GRM5: variants seen among roughly 807,000 people sequenced by gnomAD.
GRM5 encodes the protein glutamate metabotropic receptor 5, also known as metabotropic glutamate receptor 5.
GRM5 carries 19 observed loss-of-function variants against 83.1 expected under a neutral mutation model. The ratio of observed to expected loss-of-function variants is 0.23; its 90% CI spans 0.16 to 0.34. The LOEUF (loss-of-function observed/expected upper bound fraction) is 0.34. Among genes scored for constraint, GRM5 ranks in the 10% least tolerant of loss-of-function variants. GRM5 has a pLI of 1.00. For missense variants in GRM5, 1,160 were observed against 1,588.3 expected, an observed-to-expected ratio of 0.73 and a Z score of 4.58; for synonymous variants, 675 against 633.6, an observed-to-expected ratio of 1.07 and a Z score of -0.98.
intron 2 of GRM5, among the ~76,000 whole-genome samples, chr11:88,911,737 C>G (rs1466873636): frequency 5.3e-5 from 8 of 152,036 alleles, no homozygotes; most frequent in Non-Finnish European, 1.2e-4. Flanking sequence ...TGTGTTGCCT[C>G]AGAAGCTAAA....
chr11:88,569,983 C>T (rs1942952774), intron 7 of GRM5, among the ~76,000 whole-genome samples: 1 of 151,512 alleles, frequency 6.6e-6, no homozygotes, highest in Admixed American at 6.6e-5. Flanking sequence ...TCAAAATATG[C>T]CTAAGGGTAG....
chr11:88,977,955 T>A (rs1023451301), intron 2 of GRM5, among the ~76,000 whole-genome samples: 3 of 152,210 alleles, frequency 2.0e-5, no homozygotes, highest in African/African-American at 7.2e-5. Context: ...TGCACAAAAT[T>A]GTTTTATTAC....
intron 4 of GRM5, among the ~76,000 whole-genome samples, chr11:88,607,203 A>G (rs1938177196): frequency 6.6e-6 from 1 of 152,090 alleles, no homozygotes; most frequent in African/African-American, 2.4e-5. Context: ...AAATCTTACA[A>G]TTTCCTTCCC....
intron 8 of GRM5, among the ~76,000 whole-genome samples, chr11:88,565,061 C>T (rs898668508): frequency 6.6e-6 from 1 of 151,092 alleles, no homozygotes; most frequent in Non-Finnish European, 1.5e-5. Flanking sequence ...AGACACTATA[C>T]ACATGTTAAC....
chr11:88,665,725 A>G (rs11020857), intron 3 of GRM5, among the ~76,000 whole-genome samples: 2,078 of 152,066 alleles, frequency 0.014, 26 homozygotes, highest in East Asian at 0.064. Context: ...CTACTTCCAC[A>G]TTTTCCTGTG....
At chr11:88,936,088 G>A (rs1428305324) in intron 2 of GRM5, among the ~76,000 whole-genome samples, 1 of 151,782 alleles carries the variant, frequency 6.6e-6, no homozygotes, top group East Asian at 1.9e-4. Context: ...ATGGAGTCAG[G>A]TACAAGACTA....
Position 89,047,495 on chromosome 11 carries a change from C to A in GRM5, c.378G>T (p.Leu126Phe). The A allele has an allele frequency of 6.2e-7, 1 of 1,614,170 alleles. No individual in the cohort carries two copies. Among genetic ancestry groups the A allele is most frequent in the Middle Eastern group, 1.6e-4 (1 of 6,062 alleles). ...AGGAGGAGCCATCCACACAGCGTAC[C>A]AAGCCTTCTTCCTCTTCTGAAGAAA... ...SLISSEEEEG[L>F]VRCVDGSSSS... The change falls in exon 2 of 10, where the codon TTG becomes TTT. Residue 126 changes from leucine to phenylalanine, a missense_variant. Leu to Phe is a conservative substitution (Grantham distance 22, BLOSUM62 0). Coordinates refer to ENST00000305447, the MANE Select transcript of GRM5 (RefSeq NM_001143831.3). This position sits in a 1 kb window ranked among gnomAD's most constrained non-coding sequence, Gnocchi z 5.1.
chr11:88,589,328 A>T (rs888354405), intron 7 of GRM5, among the ~76,000 whole-genome samples: 3 of 152,172 alleles, frequency 2.0e-5, no homozygotes, highest in African/African-American at 7.2e-5. Context: ...AGGATGAATA[A>T]GAGCATCAGA....
intron 2 of GRM5, among the ~76,000 whole-genome samples, chr11:88,931,011 G>A (rs893211377): frequency 6.6e-6 from 1 of 152,010 alleles, no homozygotes; most frequent in Admixed American, 6.6e-5. Context: ...AGTATACAAA[G>A]CATGCTTTAT....
chr11:88,862,509 G>T (rs1291073834), intron 2 of GRM5, among the ~76,000 whole-genome samples: 1 of 151,986 alleles, frequency 6.6e-6, no homozygotes, highest in Non-Finnish European at 1.5e-5. Context: ...AATGTCAATA[G>T]ATATATCCAC....
At chr11:88,965,170 G>T (rs1938913379) in intron 2 of GRM5, among the ~76,000 whole-genome samples, 1 of 152,160 alleles carries the variant, frequency 6.6e-6, no homozygotes, top group African/African-American at 2.4e-5. Flanking sequence ...AGTTCAGGCT[G>T]CTTTTACAAA....
intron 5 of GRM5, among the ~76,000 whole-genome samples, chr11:88,599,727 C>T (rs376783990): frequency 1.9e-4 from 29 of 152,236 alleles, no homozygotes; most frequent in African/African-American, 7.0e-4. Context: ...AATAAAATAA[C>T]AGAAGGTCAG....
At chr11:89,040,154 G>T (rs1192454291) in intron 2 of GRM5, among the ~76,000 whole-genome samples, 1 of 151,986 alleles carries the variant, frequency 6.6e-6, no homozygotes, top group African/African-American at 2.4e-5. Flanking sequence ...AAAAAAAGAT[G>T]CAAGGAGTTG....
chr11:88,678,934 C>A (rs1387848522), intron 3 of GRM5, among the ~76,000 whole-genome samples: 2 of 151,842 alleles, frequency 1.3e-5, no homozygotes, highest in East Asian at 3.9e-4. Flanking sequence ...TGAAAGAAGG[C>A]CAGTACAGTG....
intron 3 of GRM5, among the ~76,000 whole-genome samples, chr11:88,788,631 A>T (rs980972551): frequency 4.6e-5 from 7 of 152,196 alleles, no homozygotes; most frequent in Admixed American, 1.3e-4. Flanking sequence ...ATTACTAAAA[A>T]TATGTTAAAA....
chr11:88,943,142 G>C (rs2135668781), intron 2 of GRM5, among the ~76,000 whole-genome samples: 1 of 152,166 alleles, frequency 6.6e-6, no homozygotes, highest in East Asian at 1.9e-4. Context: ...GGTGTCGTTA[G>C]GAAAGAACCA....
At chr11:88,691,072 G>C (rs1391267427) in intron 3 of GRM5, among the ~76,000 whole-genome samples, 2 of 152,190 alleles carry the variant, frequency 1.3e-5, no homozygotes, top group Admixed American at 1.3e-4. Context: ...CACTTGAAGA[G>C]AGGGTGGAAA....
intron 3 of GRM5, among the ~76,000 whole-genome samples, chr11:88,706,543 T>G (rs1240914939): frequency 6.6e-6 from 1 of 152,110 alleles, no homozygotes. Context: ...CGATACAATT[T>G]ATCATCTAAC....
intron 8 of GRM5, among the ~76,000 whole-genome samples, chr11:88,536,544 A>G (rs528783679): frequency 6.6e-6 from 1 of 151,812 alleles, no homozygotes; most frequent in South Asian, 2.1e-4. Context: ...TATTGTATCC[A>G]CTCCCCCTTT....
Sources: allele counts gnomAD v4.1 joint callset (sites outside exome capture counted in the v4.1 genomes callset), GRCh38; gene constraint gnomAD v4.1.1; non-coding constraint Gnocchi (gnomAD v3.1); transcripts MANE v1.5; gene names NCBI Gene and HGNC (gene_info 2026-07-23, HGNC 2026-07-21).